The following CYTH4 variants were observed in gnomAD, a reference collection of about 807,000 sequenced individuals.
CYTH4 encodes the protein cytohesin 4.
CYTH4 carries 22 observed loss-of-function variants against 57.5 expected under a neutral mutation model. That is an observed-to-expected ratio of 0.38 (90% CI 0.27 to 0.55). The LOEUF is 0.55. Ranked by LOEUF, CYTH4 falls within the 20% of genes least tolerant of loss-of-function variation. The pLI, the probability that CYTH4 is intolerant of heterozygous loss-of-function variation, is 0.74. For missense variants in CYTH4, 420 were observed against 535.6 expected, an observed-to-expected ratio of 0.78 and a Z score of 2.13; for synonymous variants, 186 against 206.5, an observed-to-expected ratio of 0.90 and a Z score of 0.85.
chr22:37,306,464 C>A (rs1929401002), intron 8 of CYTH4, among the ~76,000 whole-genome samples: 1 of 152,200 alleles, frequency 6.6e-6, no homozygotes, highest in Non-Finnish European at 1.5e-5. Context: ...AGGTAGCTGG[C>A]CAGAGGTCTC....
At chr22:37,284,257 A>C (rs777672214) in intron 1 of CYTH4, among the ~76,000 whole-genome samples, 2 of 152,134 alleles carry the variant, frequency 1.3e-5, no homozygotes, top group Non-Finnish European at 2.9e-5. Context: ...ACGACCTTCC[A>C]GTGTGCTATG....
chr22:37,287,489 G>A (rs377519426), intron 1 of CYTH4, among the ~76,000 whole-genome samples: 4 of 152,132 alleles, frequency 2.6e-5, no homozygotes, highest in South Asian at 2.1e-4. Context: ...AAACAGAATC[G>A]GATTGTTCAC....
At chr22:37,285,552 CAAAA>C (rs777287770) in intron 1 of CYTH4, among the ~76,000 whole-genome samples, 1 of 150,516 alleles carries the variant, frequency 6.6e-6, no homozygotes, top group Admixed American at 6.6e-5. Context: ...ACTAAAAATA[CAAAA>C]AAAAATTAGC....
At chr22:37,302,115 C>T (rs888331115) in intron 7 of CYTH4, 3 of 168,826 alleles carry the variant, frequency 1.8e-5, no homozygotes, top group African/African-American at 7.2e-5. Context: ...ACGCCGCCTC[C>T]TGGCTGTGTC....
rs780403616 is a variant in CYTH4 at position 37,309,330 on chromosome 22, G to A, written c.808+7G>A. 25 of 1,612,922 alleles carry A rather than the reference G, an allele frequency of 1.5e-5. No homozygotes were observed. In the South Asian group the frequency reaches 2.6e-4, roughly 17 times the overall value. ...GGTTGGCTGCTCAAGCTAGGTGAGA[G>A]ACCGACAGACACACGTCGTCGCACA... On this transcript the variant is annotated splice_region_variant and intron_variant, in intron 9 of 12. Coordinates refer to ENST00000248901, the MANE Select transcript of CYTH4 (RefSeq NM_013385.5).
At chr22:37,286,914 T>G (rs2284045) in intron 1 of CYTH4, among the ~76,000 whole-genome samples, 1 of 151,498 alleles carries the variant, frequency 6.6e-6, no homozygotes, top group Non-Finnish European at 1.5e-5. Context: ...GAAGTCCCCC[T>G]GAGCAAAGCG....
chr22:37,303,237 C>A lies in CYTH4; in HGVS notation c.548-17C>A. 3.1e-6 allele frequency: 5 copies of A among 1,613,740 alleles called. No individual in the cohort carries two copies. The highest frequency in any genetic ancestry group is 3.4e-6 in the Non-Finnish European group (4 of 1,179,844). ...GAGTGGCCAGGGCCAGAACTGTGAC[C>A]GCTGTCCCCTCCGCAGACACCTGCT... On this transcript the variant is annotated splice_polypyrimidine_tract_variant and intron_variant, in intron 7 of 12. Coordinates refer to ENST00000248901, the MANE Select transcript of CYTH4 (RefSeq NM_013385.5).
chr22:37,310,495 G>A (rs778945750), intron 9 of CYTH4, among the ~76,000 whole-genome samples: 3 of 152,214 alleles, frequency 2.0e-5, no homozygotes, highest in Non-Finnish European at 2.9e-5. Flanking sequence ...CTGCTGAACC[G>A]TGGGCAGGCG....
chr22:37,287,549 G>A (rs1021578055), intron 1 of CYTH4, among the ~76,000 whole-genome samples: 12 of 152,158 alleles, frequency 7.9e-5, no homozygotes, highest in Admixed American at 2.0e-4. Flanking sequence ...TGAGACCAAC[G>A]GCCTCCCCGC....
At chr22:37,290,887 G>A (rs537056439) in intron 1 of CYTH4, among the ~76,000 whole-genome samples, 104 of 152,206 alleles carry the variant, frequency 6.8e-4, no homozygotes, top group Non-Finnish European at 1.3e-3. Context: ...GCTGAGGCTA[G>A]TGTCTGGGGA....
intron 1 of CYTH4, 31 bp downstream of exon 1, chr22:37,282,619 T>G: frequency 6.3e-7 from 1 of 1,583,400 alleles, no homozygotes; most frequent in Non-Finnish European, 8.6e-7. Flanking sequence ...TCTCTGGGCC[T>G]CAGGGTGCTC....
intron 7 of CYTH4, among the ~76,000 whole-genome samples, chr22:37,302,884 G>A (rs553847811): frequency 7.2e-5 from 11 of 152,166 alleles, no homozygotes; most frequent in Non-Finnish European, 1.3e-4. Context: ...TCCGAGTTCC[G>A]AGAGGCAGAG....
chr22:37,310,917 G>T (rs951921424), intron 9 of CYTH4, 71 bp from the exon 10 acceptor site: 2 of 1,552,502 alleles, frequency 1.3e-6, no homozygotes, highest in African/African-American at 1.4e-5. Flanking sequence ...CCGAGGACCT[G>T]CCCTTCCCTG....
At chr22:37,312,688 A>G (rs1251200205) in intron 12 of CYTH4, among the ~76,000 whole-genome samples, 1 of 152,230 alleles carries the variant, frequency 6.6e-6, no homozygotes, top group Non-Finnish European at 1.5e-5. Flanking sequence ...GAAGAGCTTC[A>G]GTTTCTCCTG....
chr22:37,287,940 C>T (rs562274326), intron 1 of CYTH4, among the ~76,000 whole-genome samples: 3 of 152,334 alleles, frequency 2.0e-5, no homozygotes, highest in African/African-American at 7.2e-5. Flanking sequence ...TCCCCGCCAA[C>T]TCCCTCCTGG....
chr22:37,306,877 T>G (rs1262027666), intron 8 of CYTH4, among the ~76,000 whole-genome samples: 2 of 152,260 alleles, frequency 1.3e-5, no homozygotes, highest in Non-Finnish European at 2.9e-5. Flanking sequence ...TTGGCTGGCT[T>G]GGGCCTGAAC....
chr22:37,304,653 T>C (rs953552613), intron 8 of CYTH4, among the ~76,000 whole-genome samples: 1 of 152,278 alleles, frequency 6.6e-6, no homozygotes, highest in South Asian at 2.1e-4. Context: ...GTTTGAGAAC[T>C]GCCTCACCCT....
rs1292616088 is a variant in CYTH4, at chr22:37,296,077, T to C, written c.234+12T>C. On this transcript the variant is annotated intron_variant, in intron 4 of 12. Coordinates refer to ENST00000248901, the MANE Select transcript of CYTH4 (RefSeq NM_013385.5). ...TGGACCCCGCCAAGGTAGGTGGCTG[T>C]GGAGGGCCCGGGCCACAGGGTGTGG... The C allele has an allele frequency of 3.1e-6, 5 of 1,611,010 alleles. No homozygotes were observed. The South Asian group carries it at 4.4e-5, about 14-fold the overall frequency.
chr22:37,309,186 T>G (rs758973492), intron 8 of CYTH4, 26 bp from the exon 9 acceptor site: 2 of 1,610,116 alleles, frequency 1.2e-6, no homozygotes, highest in Non-Finnish European at 1.7e-6. Context: ...CACAGCCAGG[T>G]CTTTCTCTCC....
Sources: allele counts gnomAD v4.1 joint callset (sites outside exome capture counted in the v4.1 genomes callset), GRCh38; gene constraint gnomAD v4.1.1; transcripts MANE v1.5; gene names NCBI Gene and HGNC (gene_info 2026-07-23, HGNC 2026-07-21).